The following SCAP variants were observed in gnomAD, a reference collection of about 807,000 sequenced individuals.
SCAP encodes the protein sterol regulatory element-binding protein cleavage-activating protein.
SCAP carries 65 observed loss-of-function variants against 123.6 expected under a neutral mutation model. The observed-to-expected ratio is 0.53, with a 90% confidence interval of 0.43 to 0.65. SCAP has a LOEUF of 0.65. Ranked by LOEUF, SCAP falls within the 30% of genes least tolerant of loss-of-function variation. The probability of loss-of-function intolerance (pLI) is 0.00; values close to 1 mark genes in which losing one functional copy is unlikely to be tolerated. For synonymous variants in SCAP, 740 were observed against 726.3 expected (o/e 1.02, Z -0.30); for missense variants, 1,398 against 1,712.5 (o/e 0.82, Z 3.24).
intron 1 of SCAP, among the ~76,000 whole-genome samples, chr3:47,468,472 C>T (rs746228909): frequency 4.3e-4 from 65 of 152,218 alleles, no homozygotes; most frequent in African/African-American, 1.4e-3. Flanking sequence ...TGGCCAGTGA[C>T]GACAAGCATT....
intron 1 of SCAP, among the ~76,000 whole-genome samples, chr3:47,458,438 A>T (rs950168652): frequency 1.3e-5 from 2 of 152,222 alleles, no homozygotes; most frequent in African/African-American, 4.8e-5. Context: ...TCAAAAAAAT[A>T]ATAATAATTA....
intron 1 of SCAP, among the ~76,000 whole-genome samples, chr3:47,469,542 A>T (rs1707957063): frequency 1.3e-5 from 2 of 152,144 alleles, no homozygotes; most frequent in South Asian, 4.1e-4. Context: ...TATTTTTAGT[A>T]CAGGCAAGGT....
At chr3:47,448,794 C>T (rs2107945052) in intron 1 of SCAP, among the ~76,000 whole-genome samples, 1 of 152,266 alleles carries the variant, frequency 6.6e-6, no homozygotes, top group Non-Finnish European at 1.5e-5. Flanking sequence ...TATACTTTGG[C>T]TTTTAATTTT....
intron 21 of SCAP, 30 bp downstream of exon 21, chr3:47,414,542 T>C: frequency 1.2e-6 from 2 of 1,612,328 alleles, no homozygotes; most frequent in South Asian, 2.2e-5. Flanking sequence ...ACAGACTCTG[T>C]ACCCCCTACC....
At position 47,417,416 on chromosome 3, in the gene SCAP, G is replaced by A. The variant is rs759333589; in HGVS notation, c.2858C>T (p.Pro953Leu). ...GGCGAGGGAAGGGGAGCCTTTCTCG[G>A]GGGAGCCACCCTCGTCCTCAGGGGC... ...SQAPEDEGGS[P>L]EKGSPSLAWA... Residue 953 changes from proline (P) to leucine (L), a missense_variant, in exon 17 of 23, where the codon CCC becomes CTC. Transcript: ENST00000265565. The A allele has an allele frequency of 1.9e-6, 3 of 1,571,054 alleles. No individual in the cohort carries two copies. The South Asian group carries it at 3.5e-5, about 18-fold the overall frequency.
Position 47,425,498 on chromosome 3 carries a change from T to C in SCAP, c.1024A>G (p.Thr342Ala). The C allele has an allele frequency of 6.2e-7, 1 of 1,613,650 alleles. No homozygotes were observed. The highest frequency in any genetic ancestry group is 8.5e-7 in the Non-Finnish European group (1 of 1,180,008). Residue 342 changes from threonine to alanine, a missense_variant, in exon 8 of 23, where the codon ACC (threonine) becomes GCC (alanine). Thr to Ala is a moderately conservative substitution (Grantham distance 58, BLOSUM62 0). This residue lies in a region of SCAP where 319 missense variants were observed against 432.4 expected (regional missense o/e 0.74). Transcript: ENST00000265565. ...GLCTLFGLTP[T>A]LNGGEIFPYL... is the part of the protein sequence containing the mutation. ...CTAGGGACCTACCCGCCATTGAGGG[T>C]GGGCGTCAGGCCGAAGAGTGTGCAG...
At position 47,439,698 on chromosome 3, in the gene SCAP, C is replaced by T. The variant is rs1345269948; in HGVS notation, c.122+3174G>A. On this transcript the variant is annotated intron_variant, in intron 2 of 22. Transcript: ENST00000265565. This position sits in a 1 kb window ranked among gnomAD's most constrained non-coding sequence, Gnocchi z 4.0. The stretch of plus-strand genomic sequence containing the variant: ...ACCTCCAAGAGTTATAAACAGACAC[C>T]TCTTGCCATAATGCCTATTTGCTAC... Among the ~76,000 whole-genome samples the T allele has an allele frequency of 6.6e-6, 1 of 152,172 alleles. No homozygotes were observed. The highest frequency in any genetic ancestry group is 1.5e-5 in the Non-Finnish European group (1 of 68,040).
chr3:47,427,416 C>G (rs377500079), intron 5 of SCAP, 31 bp downstream of exon 5: 11 of 1,606,422 alleles, frequency 6.8e-6, no homozygotes, highest in Non-Finnish European at 8.5e-6. Flanking sequence ...GGCACCTTTA[C>G]AGGTCTGAAG....
chr3:47,457,299 G>GA (rs1230645267), intron 1 of SCAP, among the ~76,000 whole-genome samples: 2 of 152,130 alleles, frequency 1.3e-5, no homozygotes, highest in East Asian at 1.9e-4. Flanking sequence ...TTGAAAAGCT[G>GA]AAATTAAAAA....
intron 1 of SCAP, among the ~76,000 whole-genome samples, chr3:47,445,228 T>C (rs1706984129): frequency 6.6e-6 from 1 of 151,362 alleles, no homozygotes; most frequent in East Asian, 1.9e-4. Context: ...TTTGTTTGAA[T>C]ACCTGTTTTC....
chr3:47,473,358 A>G (rs1464490391), intron 1 of SCAP, among the ~76,000 whole-genome samples: 1 of 152,116 alleles, frequency 6.6e-6, no homozygotes, highest in Non-Finnish European at 1.5e-5. Context: ...TATCACCCAG[A>G]ATTATTACTC....
chr3:47,462,753 CAA>C (rs369097240), intron 1 of SCAP, among the ~76,000 whole-genome samples: 70 of 79,594 alleles, frequency 8.8e-4, no homozygotes, highest in Middle Eastern at 6.3e-3. Context: ...AACTCCGTCT[CAA>C]AAAAAAAAAA....
At position 47,439,387 on chromosome 3, in the gene SCAP, C is replaced by T. The variant is rs924124857; in HGVS notation, c.122+3485G>A. Reference sequence around the variant, plus strand: ...TTGTGCCATTGCACTCCAGCCTGGGCGACAGAGTGAGACCCCGTCTCAAAA... The same window carrying T: ...TTGTGCCATTGCACTCCAGCCTGGGTGACAGAGTGAGACCCCGTCTCAAAA... On this transcript the variant is annotated intron_variant, in intron 2 of 22. Coordinates refer to ENST00000265565, the MANE Select transcript of SCAP (RefSeq NM_012235.4). The surrounding 1 kb of genome is among the most constrained non-coding windows in gnomAD (Gnocchi z 4.0). Among the ~76,000 whole-genome samples the T allele has an allele frequency of 5.3e-5, 8 of 152,264 alleles. No individual in the cohort carries two copies. The South Asian group carries it at 6.2e-4, about 12-fold the overall frequency.
Position 47,434,989 on chromosome 3 carries a change from G to A in SCAP, c.252+19C>T. The A allele has an allele frequency of 6.2e-7, 1 of 1,614,040 alleles. No homozygotes were observed. The highest frequency in any genetic ancestry group is 8.5e-7 in the Non-Finnish European group (1 of 1,179,962). On this transcript the variant is annotated intron_variant, in intron 3 of 22. Coordinates refer to ENST00000265565, the MANE Select transcript of SCAP (RefSeq NM_012235.4). ...ACCCAACGCTCTGTGCTGGCCTCAG[G>A]AACATGACGAGTACCCACCCACTCA...
intron 1 of SCAP, among the ~76,000 whole-genome samples, chr3:47,471,519 G>A (rs1195539041): frequency 6.6e-6 from 1 of 152,118 alleles, no homozygotes; most frequent in Non-Finnish European, 1.5e-5. Context: ...ACAGGCGCAT[G>A]CCACCACACC....
intron 2 of SCAP, among the ~76,000 whole-genome samples, chr3:47,436,377 A>G (rs1157478218): frequency 6.6e-6 from 1 of 152,202 alleles, no homozygotes; most frequent in Non-Finnish European, 1.5e-5. Flanking sequence ...CAAGCCTGTA[A>G]TCCCAACACT....
rs1025556177 is a variant in SCAP at position 47,425,058 on chromosome 3, G to GA, written c.1037+426dup. Among the ~76,000 whole-genome samples the GA allele has an allele frequency of 1.3e-4, 19 of 149,646 alleles. No individual in the cohort carries two copies. In the South Asian group the frequency reaches 2.1e-3, roughly 17 times the overall value. ...TTAGGCATTTAAATGTTCTAATCATGAAAAAAAAAATGTTCTCTTCTCTAT... is the reference window on the plus strand; with the variant it reads ...TTAGGCATTTAAATGTTCTAATCATGAAAAAAAAAAATGTTCTCTTCTCTAT... On this transcript the variant is annotated intron_variant, in intron 8 of 22. Transcript: ENST00000265565.
chr3:47,462,883 T>C (rs774314892), intron 1 of SCAP, among the ~76,000 whole-genome samples: 3 of 151,826 alleles, frequency 2.0e-5, no homozygotes, highest in African/African-American at 4.8e-5. Context: ...TGCTTCCCCA[T>C]AGGCTTTGTT....
chr3:47,462,961 T>C (rs1707701815), intron 1 of SCAP, among the ~76,000 whole-genome samples: 1 of 152,008 alleles, frequency 6.6e-6, no homozygotes, highest in African/African-American at 2.4e-5. Flanking sequence ...GCTCCAATTC[T>C]CATCTGTTTG....
Sources: gnomAD v4.1 joint callset for allele counts (sites outside exome capture counted in the v4.1 genomes callset) on GRCh38, gnomAD v4.1.1 for gene constraint, gnomAD v4.1.1 regional missense constraint, Gnocchi (gnomAD v3.1) non-coding constraint, MANE v1.5 for transcripts, NCBI Gene and HGNC (gene_info 2026-07-23, HGNC 2026-07-21) for gene names.